Variants in PAIP2B observed in about 807,000 individuals in gnomAD.
PAIP2B encodes the protein poly(A) binding protein interacting protein 2B, also known as polyadenylate-binding protein-interacting protein 2B.
PAIP2B carries 13 observed loss-of-function variants against 17.0 expected under a neutral mutation model. That is an observed-to-expected ratio of 0.76 (90% CI 0.50 to 1.22). The LOEUF (loss-of-function observed/expected upper bound fraction) is 1.22, where lower values mean the gene tolerates loss of function less well. Ranked by LOEUF, PAIP2B falls within the 50% of genes most tolerant of loss-of-function variation. The pLI, the probability that PAIP2B is intolerant of heterozygous loss-of-function variation, is 0.00. For missense variants in PAIP2B, 117 were observed against 144.5 expected, an observed-to-expected ratio of 0.81 and a Z score of 0.98; for synonymous variants, 43 against 48.7, an observed-to-expected ratio of 0.88 and a Z score of 0.48.
intron 1 of PAIP2B, among the ~76,000 whole-genome samples, chr2:71,225,778 T>C (rs767934925): frequency 6.6e-6 from 1 of 152,208 alleles, no homozygotes; most frequent in Non-Finnish European, 1.5e-5. Flanking sequence ...AAAAAACATA[T>C]GGCTAGAACC....
intron 1 of PAIP2B, among the ~76,000 whole-genome samples, chr2:71,205,134 T>G (rs1199334738): frequency 6.6e-6 from 1 of 151,958 alleles, no homozygotes; most frequent in Non-Finnish European, 1.5e-5. Flanking sequence ...TGCTTATTCA[T>G]GAGAAAGGGA....
intron 2 of PAIP2B, among the ~76,000 whole-genome samples, chr2:71,195,705 C>G (rs770262524): frequency 6.6e-6 from 1 of 152,196 alleles, no homozygotes; most frequent in Non-Finnish European, 1.5e-5. Context: ...GTGGTGCAAT[C>G]TCAGCTCCCT....
At chr2:71,190,144 G>A (rs760201522) in intron 2 of PAIP2B, 123 bp from the exon 3 acceptor site, 76 of 991,482 alleles carry the variant, frequency 7.7e-5, no homozygotes, top group Non-Finnish European at 1.0e-4. Flanking sequence ...CTTGAGCTGG[G>A]TGTGGTGGCT....
chr2:71,198,256 A>AT (rs35508892), intron 2 of PAIP2B, among the ~76,000 whole-genome samples: 113,450 of 150,394 alleles, frequency 0.75, 43,250 homozygotes, highest in East Asian at 1. Flanking sequence ...AGTAGCTGGG[A>AT]TACAGGTGCC....
intron 1 of PAIP2B, among the ~76,000 whole-genome samples, chr2:71,203,333 G>T (rs1675034279): frequency 6.7e-6 from 1 of 150,056 alleles, no homozygotes; most frequent in African/African-American, 2.4e-5. Context: ...GTTTATAAAG[G>T]TTCTCCTTTA....
intron 1 of PAIP2B, among the ~76,000 whole-genome samples, chr2:71,213,830 GA>G (rs1675362697): frequency 6.6e-6 from 1 of 151,996 alleles, no homozygotes; most frequent in African/African-American, 2.4e-5. Context: ...AAGTTACATA[GA>G]AAAAACAACT....
chr2:71,214,752 C>T (rs904682452), intron 1 of PAIP2B, among the ~76,000 whole-genome samples: 6 of 152,112 alleles, frequency 3.9e-5, no homozygotes, highest in Non-Finnish European at 7.4e-5. Context: ...CTGAGGCATT[C>T]GTAACAGAGA....
At chr2:71,209,031 C>T (rs1378059810) in intron 1 of PAIP2B, among the ~76,000 whole-genome samples, 1 of 152,140 alleles carries the variant, frequency 6.6e-6, no homozygotes, top group Non-Finnish European at 1.5e-5. Context: ...GAATCCAATT[C>T]CAGTAAAGTA....
chr2:71,201,548 T>A (rs1674985727), intron 2 of PAIP2B, among the ~76,000 whole-genome samples: 1 of 152,034 alleles, frequency 6.6e-6, no homozygotes, highest in Non-Finnish European at 1.5e-5. Flanking sequence ...GCCCAGCTAA[T>A]TTTTGTATTT....
chr2:71,223,473 C>CT (rs1290668699), intron 1 of PAIP2B, among the ~76,000 whole-genome samples: 39 of 149,722 alleles, frequency 2.6e-4, no homozygotes, highest in African/African-American at 8.6e-4. Context: ...GAGTCTCACT[C>CT]TGTCACCCAG....
chr2:71,222,248 T>G (rs1183897495), intron 1 of PAIP2B, among the ~76,000 whole-genome samples: 1 of 152,194 alleles, frequency 6.6e-6, no homozygotes. Context: ...AAAGCATATC[T>G]GTAGCATATC....
rs1051981889 is a variant in PAIP2B, at chr2:71,225,343, T to G, written c.-12+1585A>C. Among the ~76,000 whole-genome samples the G allele has an allele frequency of 2.6e-5, 4 of 152,220 alleles. No homozygotes were observed. In the East Asian group the frequency reaches 7.7e-4, roughly 29 times the overall value. ...AGTAAAATACAAGGAAGCATACTGA[T>G]ACATACATTACAAACAGGATAAAGA... On this transcript the variant is annotated intron_variant, in intron 1 of 3. Coordinates refer to ENST00000244221, the MANE Select transcript of PAIP2B (RefSeq NM_020459.1).
rs1437566771 is a variant in PAIP2B at position 71,187,225 on chromosome 2, C to T, written c.*1254G>A. 6.6e-6 allele frequency: 1 copy of T among 152,170 alleles called. No individual in the cohort carries two copies. Among genetic ancestry groups the T allele is most frequent in the East Asian group, 1.9e-4 (1 of 5,200 alleles). The allele number at this position is 152,170 out of a possible 1,614,324, so 9.4% of individuals were successfully genotyped here. A position where few individuals can be genotyped will look rare whatever the true frequency, so the allele number is the denominator to read the frequency against. The stretch of plus-strand genomic sequence containing the variant: ...TTCCTTAGGGGTAGCAACAAAAGAC[C>T]CCAGCAAGTTAAAGGCAGGAAAGAC... On this transcript the variant is annotated 3_prime_UTR_variant, in exon 4 of 4. Coordinates refer to ENST00000244221, the MANE Select transcript of PAIP2B (RefSeq NM_020459.1).
chr2:71,188,180 C>G lies in PAIP2B; in HGVS notation c.*299G>C, dbSNP rs186839479. On this transcript the variant is annotated 3_prime_UTR_variant, in exon 4 of 4. Coordinates refer to ENST00000244221, the MANE Select transcript of PAIP2B (RefSeq NM_020459.1). Reference sequence around the variant, plus strand: ...TCAGCTTATTTTGTTTAAATACACACCGCGGAACACTTCTGATGAAGGGGG... The same window carrying G: ...TCAGCTTATTTTGTTTAAATACACAGCGCGGAACACTTCTGATGAAGGGGG... 1.1e-3 allele frequency: 433 copies of G among 398,218 alleles called. 8 individuals carry two copies. In the Admixed American group the frequency reaches 0.016, roughly 15 times the overall value. 24.7% of individuals were successfully genotyped at this position (398,218 alleles called of 1,614,324 possible).
chr2:71,202,684 G>A lies in PAIP2B; in HGVS notation c.-11-84C>T, dbSNP rs1572928707. 3 of 1,222,696 alleles carry A rather than the reference G, an allele frequency of 2.5e-6. No homozygotes were observed. In the East Asian group the frequency reaches 7.1e-5, roughly 29 times the overall value. The allele number at this position is 1,222,696 out of a possible 1,614,324, so 75.7% of individuals were successfully genotyped here. A position where few individuals can be genotyped will look rare whatever the true frequency, so the allele number is the denominator to read the frequency against. ...CTAAAACATGCAGATTCTGTCAGAAGCTTCTGAAATTCTAAGTCAAAGATT... is the reference window on the plus strand; with the variant it reads ...CTAAAACATGCAGATTCTGTCAGAAACTTCTGAAATTCTAAGTCAAAGATT... On this transcript the variant is annotated intron_variant, in intron 1 of 3. Transcript: ENST00000244221.
At position 71,186,800 on chromosome 2, in the gene PAIP2B, C is replaced by T. The variant is rs1368789549; in HGVS notation, c.*1679G>A. 1 of 152,194 alleles carries T rather than the reference C, an allele frequency of 6.6e-6. No homozygotes were observed. Among genetic ancestry groups the T allele is most frequent in the African/African-American group, 2.4e-5 (1 of 41,456 alleles). The allele number at this position is 152,194 out of a possible 1,614,324, so 9.4% of individuals were successfully genotyped here. On this transcript the variant is annotated 3_prime_UTR_variant, in exon 4 of 4. Coordinates refer to ENST00000244221, the MANE Select transcript of PAIP2B (RefSeq NM_020459.1). Reference sequence around the variant, plus strand: ...AGTTCTCTAAGCTACTCTCCTATGACATGTGACCTAACAAGGAAGGCAATT... The same window carrying T: ...AGTTCTCTAAGCTACTCTCCTATGATATGTGACCTAACAAGGAAGGCAATT...
chr2:71,223,602 A>G (rs1159953333), intron 1 of PAIP2B, among the ~76,000 whole-genome samples: 1 of 151,622 alleles, frequency 6.6e-6, no homozygotes, highest in Non-Finnish European at 1.5e-5. Context: ...ATGCCTGGCT[A>G]ATTTTTTTGT....
chr2:71,213,570 C>A (rs544801605), intron 1 of PAIP2B, among the ~76,000 whole-genome samples: 5 of 152,110 alleles, frequency 3.3e-5, no homozygotes, highest in African/African-American at 4.8e-5. Context: ...GTATGAAAGG[C>A]CTCACACTGT....
chr2:71,188,480 C>A lies in PAIP2B; in HGVS notation c.371G>T (p.Ter124LeuextTer51). The change falls in exon 4 of 4, where the codon TGA becomes TTA. Residue 124 changes from the stop codon to leucine, a stop_lost. Coordinates refer to ENST00000244221, the MANE Select transcript of PAIP2B (RefSeq NM_020459.1). ...AGTCTTCCTCAAAGCTTTCTCGGCTCAGTACTTCTCTCCTGGAATAAACTC... is the reference window on the plus strand; with the variant it reads ...AGTCTTCCTCAAAGCTTTCTCGGCTAAGTACTTCTCTCCTGGAATAAACTC... Reference protein sequence around the residue: ...AKEFIPGEKY* With the variant: ...AKEFIPGEKYL The A allele has an allele frequency of 6.2e-7, 1 of 1,609,064 alleles. No homozygotes were observed.
Sources: allele counts gnomAD v4.1 joint callset (sites outside exome capture counted in the v4.1 genomes callset), GRCh38; gene constraint gnomAD v4.1.1; transcripts MANE v1.5; gene names NCBI Gene and HGNC (gene_info 2026-07-23, HGNC 2026-07-21).